Variants in MTMR2 observed in about 807,000 individuals in gnomAD.
MTMR2 encodes myotubularin related protein 2.
A neutral mutation model predicts 86.9 loss-of-function variants in MTMR2; 55 were observed. The observed-to-expected ratio is 0.63, with a 90% CI of 0.51 to 0.79. MTMR2 has a LOEUF of 0.79. Among genes scored for constraint, MTMR2 ranks in the 30% least tolerant of loss-of-function variants. The pLI, the probability that MTMR2 is intolerant of heterozygous loss-of-function variation, is 0.00. For missense variants in MTMR2, 659 were observed against 772.3 expected, an observed-to-expected ratio of 0.85 and a Z score of 1.74; for synonymous variants, 241 against 266.8, an observed-to-expected ratio of 0.90 and a Z score of 0.94.
chr11:95,861,915 C>A, intron 5 of MTMR2, 77 bp downstream of exon 5: 1 of 1,080,644 alleles, frequency 9.3e-7, no homozygotes, highest in South Asian at 1.4e-5. Flanking sequence ...TTTTAGAAAC[C>A]AATTTCAAAA....
At chr11:95,874,652 T>G (rs994838745) in intron 2 of MTMR2, among the ~76,000 whole-genome samples, 4 of 152,226 alleles carry the variant, frequency 2.6e-5, no homozygotes, top group Admixed American at 6.5e-5. Flanking sequence ...GTTAGCTGGT[T>G]ATTTTGCTCG....
At chr11:95,849,281 T>A (rs542014361) in intron 9 of MTMR2, among the ~76,000 whole-genome samples, 1 of 152,180 alleles carries the variant, frequency 6.6e-6, no homozygotes, top group East Asian at 1.9e-4. Context: ...CCGAGAACAC[T>A]AGTTCGCTAT....
chr11:95,875,992 A>T (rs1193831614), intron 2 of MTMR2, among the ~76,000 whole-genome samples: 2 of 152,124 alleles, frequency 1.3e-5, no homozygotes, highest in East Asian at 3.9e-4. Context: ...CGGCCATGTG[A>T]GGTGTCAGTC....
intron 5 of MTMR2, among the ~76,000 whole-genome samples, chr11:95,859,566 G>A (rs938862399): frequency 5.9e-5 from 9 of 152,070 alleles, no homozygotes; most frequent in Admixed American, 6.6e-5. Context: ...CTTATCTACC[G>A]ACATTCTTTA....
chr11:95,915,735 T>C (rs1481374574), intron 1 of MTMR2, among the ~76,000 whole-genome samples: 1 of 152,108 alleles, frequency 6.6e-6, no homozygotes, highest in African/African-American at 2.4e-5. Context: ...ATAAAATACA[T>C]GGATACATGG....
rs1050124258 is a variant in MTMR2, at chr11:95,870,871, T to C, written c.187-5195A>G. ...ATTTAACATTAGGTATATCTCCTAA[T>C]GCTATCCCTCCCCCCTTCCCCCACC... is the stretch of plus-strand genomic sequence containing the variant. On this transcript the variant is annotated intron_variant, in intron 2 of 14. Transcript: ENST00000346299. Among the ~76,000 whole-genome samples, 4 of 152,038 alleles carry C rather than the reference T, an allele frequency of 2.6e-5. No homozygotes were observed. The East Asian group carries it at 7.7e-4, about 29-fold the overall frequency.
chr11:95,856,349 T>TA (rs1864213500), intron 7 of MTMR2, among the ~76,000 whole-genome samples: 1 of 151,348 alleles, frequency 6.6e-6, no homozygotes, highest in Non-Finnish European at 1.5e-5. Flanking sequence ...TTTTTTTATT[T>TA]AAAGGGGGGG....
chr11:95,888,083 G>C, intron 2 of MTMR2, 73 bp downstream of exon 2: 2 of 1,102,092 alleles, frequency 1.8e-6, no homozygotes, highest in Non-Finnish European at 2.7e-6. Context: ...TGCTAAATTA[G>C]TTATATTGAT....
chr11:95,862,206 G>T (rs887061839), intron 4 of MTMR2, 66 bp downstream of exon 4: 7 of 1,546,074 alleles, frequency 4.5e-6, no homozygotes, highest in Non-Finnish European at 6.2e-6. Context: ...GAAATGATCA[G>T]AAATGAACAA....
chr11:95,835,379 G>A lies in MTMR2; in HGVS notation c.1843C>T (p.Gln615Ter), dbSNP rs886048770. ...AELQKKVEEL[Q>*]REISNRSTSS... ...GTTGATCGGTTAGAAATCTCTCTCT[G>A]TAGTTCCTCTACTTTTTTCTGAAGC... Residue 615 changes from glutamine to a stop codon, truncating the protein, a stop_gained, in exon 15 of 15, where the codon CAG becomes TAG. Coordinates refer to ENST00000346299, the MANE Select transcript of MTMR2 (RefSeq NM_016156.6). LOFTEE classifies it high-confidence loss of function. The A allele has an allele frequency of 3.7e-6, 6 of 1,613,134 alleles. No homozygotes were observed. Among genetic ancestry groups the A allele is most frequent in the Non-Finnish European group, 5.1e-6 (6 of 1,179,348 alleles).
chr11:95,905,463 T>C (rs1364577650), intron 1 of MTMR2, among the ~76,000 whole-genome samples: 1 of 150,610 alleles, frequency 6.6e-6, no homozygotes, highest in African/African-American at 2.5e-5. Context: ...ATGCAGAAAA[T>C]GAAGTTACTG....
chr11:95,905,612 T>C (rs746344224), intron 1 of MTMR2, among the ~76,000 whole-genome samples: 7 of 152,200 alleles, frequency 4.6e-5, no homozygotes, highest in Non-Finnish European at 8.8e-5. Flanking sequence ...CATTCATCTT[T>C]AATTCATACC....
chr11:95,878,854 T>C (rs1203929984), intron 2 of MTMR2, among the ~76,000 whole-genome samples: 1 of 152,154 alleles, frequency 6.6e-6, no homozygotes. Flanking sequence ...TATAATATTA[T>C]CTAAATTTCT....
At chr11:95,919,208 A>G (rs1396937768) in intron 1 of MTMR2, among the ~76,000 whole-genome samples, 1 of 152,212 alleles carries the variant, frequency 6.6e-6, no homozygotes, top group African/African-American at 2.4e-5. Context: ...AATGTGTTTT[A>G]GAAATCTAGG....
intron 1 of MTMR2, among the ~76,000 whole-genome samples, chr11:95,892,800 T>C (rs894675438): frequency 6.6e-6 from 1 of 152,178 alleles, no homozygotes; most frequent in African/African-American, 2.4e-5. Context: ...AATGTTTTAG[T>C]CCACAGTGAA....
chr11:95,902,224 C>T (rs1866100243), intron 1 of MTMR2, among the ~76,000 whole-genome samples: 1 of 152,060 alleles, frequency 6.6e-6, no homozygotes, highest in Admixed American at 6.6e-5. Context: ...GTTATTTATT[C>T]AGCTCCTTGT....
At chr11:95,904,905 TC>T (rs1866200634) in intron 1 of MTMR2, among the ~76,000 whole-genome samples, 1 of 152,150 alleles carries the variant, frequency 6.6e-6, no homozygotes, top group Non-Finnish European at 1.5e-5. Flanking sequence ...CACTTCTCAT[TC>T]TTTCCTAAAT....
Position 95,850,611 on chromosome 11 carries a change from C to A in MTMR2, c.793G>T (p.Gly265Cys). The part of the protein sequence containing the change: ...LKRVASFRSR[G>C]RIPVLSWIHP... The stretch of plus-strand genomic sequence containing the variant: ...AACTTCCTACTTACTGGGATACGGC[C>A]TCTTGATCTGAAGGATGCCACTCTC... The change falls in exon 8 of 15, where the codon GGC becomes TGC. Residue 265 changes from glycine to cysteine, a missense_variant. By Grantham distance (159) the Gly-to-Cys change is radical (BLOSUM62 -3). This residue lies in a region of MTMR2 where 387 missense variants were observed against 526.3 expected (regional missense o/e 0.74). Transcript: ENST00000346299. 6.2e-7 allele frequency: 1 copy of A among 1,614,036 alleles called. No individual in the cohort carries two copies. Among genetic ancestry groups the A allele is most frequent in the Non-Finnish European group, 8.5e-7 (1 of 1,179,988 alleles).
At chr11:95,864,996 T>C (rs1864560380) in intron 3 of MTMR2, among the ~76,000 whole-genome samples, 1 of 152,064 alleles carries the variant, frequency 6.6e-6, no homozygotes, top group African/African-American at 2.4e-5. Flanking sequence ...ATCACACAGA[T>C]GAAACAAAAC....
Sources: gnomAD v4.1 joint callset for allele counts (sites outside exome capture counted in the v4.1 genomes callset) on GRCh38, gnomAD v4.1.1 for gene constraint, gnomAD v4.1.1 regional missense constraint, MANE v1.5 for transcripts, NCBI Gene and HGNC (gene_info 2026-07-23, HGNC 2026-07-21) for gene names.